COXFA4L3: variants seen among roughly 807,000 people sequenced by gnomAD.
The protein encoded by COXFA4L3 is MIR147B host.
At chr15:45,430,928 A>G in the COXFA4L3 span, 3 of 1,568,370 alleles carry the variant, frequency 1.9e-6, no homozygotes, top group Middle Eastern at 3.4e-4. Context: ...AAATAAATAC[A>G]GTTGTTTTGC....
chr15:45,430,710 A>G, the COXFA4L3 span: 5 of 1,332,022 alleles, frequency 3.8e-6, no homozygotes, highest in Non-Finnish European at 4.2e-6. Flanking sequence ...TGGCCTGCGG[A>G]GCGCGGTGGA....
the COXFA4L3 span, chr15:45,432,169 C>T: frequency 6.3e-7 from 1 of 1,581,032 alleles, no homozygotes; most frequent in Non-Finnish European, 8.7e-7. Context: ...TTATATTTTG[C>T]CCAAACCTTA....
At chr15:45,432,355 A>G in the COXFA4L3 span, among the ~76,000 whole-genome samples, 1 of 152,200 alleles carries the variant, frequency 6.6e-6, no homozygotes, top group African/African-American at 2.4e-5. Flanking sequence ...CTCACATAAT[A>G]CCTGGCAAAC....
the COXFA4L3 span, chr15:45,433,036 T>G: frequency 6.2e-7 from 1 of 1,601,574 alleles, no homozygotes; most frequent in Non-Finnish European, 8.6e-7. Context: ...GCCTCTTTCT[T>G]CTGAAGAGTA....
chr15:45,432,029 A>G, the COXFA4L3 span: 1 of 1,571,562 alleles, frequency 6.4e-7, no homozygotes, highest in Non-Finnish European at 8.7e-7. Flanking sequence ...TGTTGGTTTA[A>G]ATTCACATCT....
the COXFA4L3 span, chr15:45,432,821 A>G: frequency 4.4e-6 from 3 of 685,810 alleles, no homozygotes; most frequent in Non-Finnish European, 7.3e-6. Flanking sequence ...ATATGGAAAG[A>G]GGTAGGTACA....
the COXFA4L3 span, chr15:45,433,191 G>C: frequency 3.0e-6 from 2 of 658,510 alleles, no homozygotes; most frequent in Admixed American, 4.6e-5. Flanking sequence ...TAACTGCACT[G>C]TCTAAAAGTT....
chr15:45,430,714 C>G, the COXFA4L3 span: 7 of 1,360,410 alleles, frequency 5.1e-6, no homozygotes, highest in Non-Finnish European at 7.2e-6. Context: ...CTGCGGAGCG[C>G]GGTGGACGGT....
At chr15:45,430,653 C>T in the COXFA4L3 span, 19 of 701,646 alleles carry the variant, frequency 2.7e-5, no homozygotes, top group African/African-American at 3.4e-4. Flanking sequence ...GCCCGGCGTC[C>T]AGGTGAGTCT....
the COXFA4L3 span, chr15:45,432,180 G>C: frequency 6.7e-7 from 1 of 1,503,012 alleles, no homozygotes; most frequent in South Asian, 1.2e-5. Context: ...CCAAACCTTA[G>C]CACCTTTGTG....
the COXFA4L3 span, chr15:45,433,254 G>T: frequency 2.2e-6 from 1 of 446,986 alleles, no homozygotes; most frequent in Middle Eastern, 3.1e-4. Flanking sequence ...TTTTGTTTAT[G>T]ATCTATGAAT....
the COXFA4L3 span, chr15:45,433,089 T>C: frequency 2.1e-6 from 3 of 1,399,736 alleles, no homozygotes; most frequent in Non-Finnish European, 3.0e-6. Context: ...AACTAGATTC[T>C]GGACACCAGT....
chr15:45,430,730 G>T, the COXFA4L3 span: 8 of 1,511,790 alleles, frequency 5.3e-6, no homozygotes, highest in South Asian at 5.9e-5. Context: ...ACGGTTTGGC[G>T]CCCACCAGGC....
chr15:45,432,888 A>T, the COXFA4L3 span: 1 of 1,438,864 alleles, frequency 6.9e-7, no homozygotes, highest in Non-Finnish European at 9.6e-7. Context: ...AAAGAGGGAC[A>T]TGCAAATGAA....
the COXFA4L3 span, among the ~76,000 whole-genome samples, chr15:45,432,428 G>A: frequency 3.3e-5 from 5 of 152,250 alleles, no homozygotes; most frequent in African/African-American, 1.2e-4. Flanking sequence ...ACTTTGGGAG[G>A]CCGAGGCGGG....
chr15:45,433,187 C>T, the COXFA4L3 span: 3 of 740,098 alleles, frequency 4.1e-6, no homozygotes, highest in African/African-American at 1.7e-5. Context: ...GCAATAACTG[C>T]ACTGTCTAAA....
At chr15:45,432,080 G>A in the COXFA4L3 span, 20 of 1,601,324 alleles carry the variant, frequency 1.2e-5, no homozygotes, top group African/African-American at 4.1e-5. Flanking sequence ...AGCCTTGATC[G>A]AAAAAAAAAT....
chr15:45,433,266 T>A, the COXFA4L3 span: 1 of 390,778 alleles, frequency 2.6e-6, no homozygotes, highest in Non-Finnish European at 4.8e-6. Context: ...TCTATGAATG[T>A]TTTTCTTAAA....
chr15:45,431,582 A>C, the COXFA4L3 span, among the ~76,000 whole-genome samples: 1 of 152,188 alleles, frequency 6.6e-6, no homozygotes, highest in East Asian at 1.9e-4. Context: ...AGAAGAAAGT[A>C]AAAAACAAAA....
Sources: gnomAD v4.1 joint callset for allele counts (sites outside exome capture counted in the v4.1 genomes callset) on GRCh38, gnomAD v4.1.1 for gene constraint, MANE v1.5 for transcripts, NCBI Gene and HGNC (gene_info 2026-07-23, HGNC 2026-07-21) for gene names.